EMC2: variants seen among roughly 807,000 people sequenced by gnomAD.
EMC2 encodes the protein TPR repeat protein 35.
A neutral mutation model predicts 51.6 loss-of-function variants in EMC2; 37 were observed. The ratio of observed to expected loss-of-function variants is 0.72; its 90% CI spans 0.55 to 0.94. The LOEUF (loss-of-function observed/expected upper bound fraction) is 0.94. Ranked by LOEUF, EMC2 falls within the 40% of genes least tolerant of loss-of-function variation. The pLI is 0.00. For missense variants in EMC2, 359 were observed against 350.9 expected, an observed-to-expected ratio of 1.02 and a Z score of -0.18; for synonymous variants, 131 against 112.4, an observed-to-expected ratio of 1.17 and a Z score of -1.04.
chr8:108,465,413 C>T (rs1020481194), intron 5 of EMC2, among the ~76,000 whole-genome samples: 17 of 152,122 alleles, frequency 1.1e-4, no homozygotes, highest in African/African-American at 4.1e-4. Flanking sequence ...TTTAGTTGTT[C>T]TTTCTCAATT....
chr8:108,446,102 T>C (rs952634246), intron 1 of EMC2: 13 of 162,608 alleles, frequency 8.0e-5, no homozygotes, highest in Non-Finnish European at 5.4e-5. Context: ...TACCCTATTA[T>C]ACTCTAAGCA....
chr8:108,465,574 T>G (rs188758949), intron 5 of EMC2, among the ~76,000 whole-genome samples: 6 of 152,306 alleles, frequency 3.9e-5, no homozygotes, highest in Admixed American at 2.0e-4. Context: ...AGTAAATTGT[T>G]TGTGGTTCGT....
intron 5 of EMC2, among the ~76,000 whole-genome samples, chr8:108,458,950 C>T (rs1819237631): frequency 6.6e-6 from 1 of 152,170 alleles, no homozygotes; most frequent in South Asian, 2.1e-4. Context: ...CCCAAGCCAC[C>T]TCTTGAATGC....
In EMC2 at chr8:108,488,166, CTTTT is replaced by C. The variant is rs5893921; in HGVS notation, c.*1583_*1586del. On this transcript the variant is annotated 3_prime_UTR_variant, in exon 11 of 11. Transcript: ENST00000220853. ...CTTATAGCTGTCTGCCTTAGTTTCA[CTTTT>C]TTTTTTTTTTTTTTGAGACAGTCTC... 6.3e-5 allele frequency among the ~76,000 whole-genome samples: 8 copies of C among 127,680 alleles called. No individual in the cohort carries two copies. Among genetic ancestry groups the C allele is most frequent in the African/African-American group, 8.9e-5 (3 of 33,690 alleles). 83.8% of individuals were successfully genotyped at this position (127,680 alleles called of 152,430 possible). A position where few individuals can be genotyped will look rare whatever the true frequency, so the allele number is the denominator to read the frequency against.
intron 5 of EMC2, among the ~76,000 whole-genome samples, chr8:108,462,134 T>C (rs896965064): frequency 6.6e-6 from 1 of 152,080 alleles, no homozygotes; most frequent in Non-Finnish European, 1.5e-5. Context: ...GATTTTTCTG[T>C]GTGATCTTTC....
At chr8:108,445,547 T>G (rs1219948592) in intron 1 of EMC2, among the ~76,000 whole-genome samples, 2 of 152,030 alleles carry the variant, frequency 1.3e-5, no homozygotes, top group Non-Finnish European at 2.9e-5. Flanking sequence ...CAAAAAAGCC[T>G]TACTTGACCA....
At position 108,447,407 on chromosome 8, in the gene EMC2, AC is replaced by A. The variant is rs1460436591; in HGVS notation, c.41-2415del. On this transcript the variant is annotated intron_variant, in intron 1 of 10. Coordinates refer to ENST00000220853, the MANE Select transcript of EMC2 (RefSeq NM_014673.5). ...TTCCCAACAGCCTGCAGCCAATCTG[AC>A]TAGATACTTTTATGGGACCATGAAT... Among the ~76,000 whole-genome samples the A allele has an allele frequency of 8.5e-5, 13 of 152,316 alleles. No homozygotes were observed. The East Asian group carries it at 2.5e-3, about 29-fold the overall frequency.
intron 5 of EMC2, among the ~76,000 whole-genome samples, chr8:108,465,277 A>G (rs569112827): frequency 1.3e-5 from 2 of 152,186 alleles, no homozygotes; most frequent in Non-Finnish European, 2.9e-5. Flanking sequence ...TTACAGGAGC[A>G]TGACTCTTCC....
chr8:108,456,905 G>A (rs928139968), intron 5 of EMC2, among the ~76,000 whole-genome samples: 2 of 152,056 alleles, frequency 1.3e-5, no homozygotes, highest in Non-Finnish European at 2.9e-5. Context: ...ACAAAAACCA[G>A]GTTGAGTTTT....
At chr8:108,470,871 A>T (rs573393074) in intron 7 of EMC2, 6 of 152,024 alleles carry the variant, frequency 3.9e-5, no homozygotes, top group Admixed American at 6.6e-5. Context: ...TCAGATTCTC[A>T]TGCGCATTTT....
chr8:108,452,436 A>G (rs1435844544), intron 3 of EMC2, among the ~76,000 whole-genome samples: 4 of 152,120 alleles, frequency 2.6e-5, no homozygotes, highest in Non-Finnish European at 5.9e-5. Flanking sequence ...GTGTGGTGAC[A>G]GGCGCCTGTA....
At chr8:108,480,956 T>C (rs759163940) in intron 10 of EMC2, among the ~76,000 whole-genome samples, 2 of 152,176 alleles carry the variant, frequency 1.3e-5, no homozygotes, top group African/African-American at 2.4e-5. Flanking sequence ...TCAGGTTTTC[T>C]TGTTTAGTGG....
At chr8:108,449,161 T>G (rs1818952544) in intron 1 of EMC2, among the ~76,000 whole-genome samples, 1 of 152,196 alleles carries the variant, frequency 6.6e-6, no homozygotes, top group African/African-American at 2.4e-5. Context: ...TTGCTCAGAC[T>G]GGAGTGCAGT....
intron 5 of EMC2, among the ~76,000 whole-genome samples, chr8:108,466,041 C>A (rs1819457019): frequency 6.6e-6 from 1 of 152,092 alleles, no homozygotes. Context: ...CATCACTGAG[C>A]TAAACACTTT....
chr8:108,453,088 G>A lies in EMC2; in HGVS notation c.246G>A (p.Gln82=). Residue 82 remains glutamine (Q), a synonymous_variant, in exon 4 of 11, where the codon CAG becomes CAA. Coordinates refer to ENST00000220853, the MANE Select transcript of EMC2 (RefSeq NM_014673.5). ...ALFCLQELRR[Q]FPGSHRVKRL... ...TTTGTCTTCAAGAGCTGAGAAGACA[G>A]TTCCCTGGCAGTCACAGAGTCAAGC... 1.9e-6 allele frequency: 3 copies of A among 1,604,460 alleles called. No individual in the cohort carries two copies. Among genetic ancestry groups the A allele is most frequent in the African/African-American group, 2.7e-5 (2 of 74,418 alleles).
intron 10 of EMC2, among the ~76,000 whole-genome samples, chr8:108,480,390 C>G (rs1240092663): frequency 6.6e-6 from 1 of 152,052 alleles, no homozygotes; most frequent in African/African-American, 2.4e-5. Context: ...GTAGCTTTCC[C>G]AGCTTGGCTA....
At chr8:108,476,524 T>C (rs1248964273) in intron 8 of EMC2, among the ~76,000 whole-genome samples, 1 of 151,898 alleles carries the variant, frequency 6.6e-6, no homozygotes, top group Non-Finnish European at 1.5e-5. Flanking sequence ...TATTCTGGCT[T>C]TTTATTGCGG....
chr8:108,458,426 C>G (rs1443544307), intron 5 of EMC2, among the ~76,000 whole-genome samples: 1 of 152,192 alleles, frequency 6.6e-6, no homozygotes, highest in Non-Finnish European at 1.5e-5. Flanking sequence ...CCCGCCCGTG[C>G]AACAAACTTC....
At chr8:108,482,169 G>A (rs562824766) in intron 10 of EMC2, among the ~76,000 whole-genome samples, 143 of 152,252 alleles carry the variant, frequency 9.4e-4, no homozygotes, top group Non-Finnish European at 1.6e-3. Context: ...GGTTCTGTCA[G>A]TCTTTGTAAT....
Sources: gnomAD v4.1 joint callset for allele counts (sites outside exome capture counted in the v4.1 genomes callset) on GRCh38, gnomAD v4.1.1 for gene constraint, MANE v1.5 for transcripts, NCBI Gene and HGNC (gene_info 2026-07-23, HGNC 2026-07-21) for gene names.